Variants in TOX2 observed in about 807,000 individuals in gnomAD.
TOX2 encodes the protein granulosa cell HMG box 1.
A neutral mutation model predicts 47.4 loss-of-function variants in TOX2; 15 were observed. That is an observed-to-expected ratio of 0.32 (90% CI 0.21 to 0.49). The LOEUF (loss-of-function observed/expected upper bound fraction) is 0.49. TOX2 is among the 20% of genes least tolerant of loss of function. TOX2 has a pLI of 0.99. For synonymous variants in TOX2, 290 were observed against 296.6 expected (o/e 0.98, Z 0.23); for missense variants, 622 against 673.1 (o/e 0.92, Z 0.84).
intron 3 of TOX2, among the ~76,000 whole-genome samples, chr20:44,050,647 A>G (rs890770233): frequency 6.6e-6 from 1 of 152,262 alleles, no homozygotes; most frequent in African/African-American, 2.4e-5. Flanking sequence ...AATGGAGTTA[A>G]TAACAAAATT....
rs1555842269 is a variant in TOX2, at chr20:44,026,228, G to GATATATATATATAGATATATATATAT, written c.411+19449_411+19450insGATATATATATATATATATATATATA. On this transcript the variant is annotated intron_variant, in intron 3 of 8. Transcript: ENST00000341197. ...TCGATCGAGTGGATAAAGAAACTGT[G>GATATATATATATAGATATATATATAT]ATATATATATATATATATATAGACA... 1.2e-4 allele frequency among the ~76,000 whole-genome samples: 7 copies of GATATATATATATAGATATATATATAT among 60,254 alleles called. 1 individual carries two copies. The highest frequency in any genetic ancestry group is 1.6e-4 in the Non-Finnish European group (5 of 32,234). The allele number at this position is 60,254 out of a possible 152,430, so 39.5% of individuals were successfully genotyped here.
chr20:43,941,419 G>A (rs779373169), intron 1 of TOX2, among the ~76,000 whole-genome samples: 2 of 149,896 alleles, frequency 1.3e-5, no homozygotes, highest in Non-Finnish European at 1.5e-5. Context: ...TGCAACCTCC[G>A]CCTCCCAGGA....
intron 1 of TOX2, among the ~76,000 whole-genome samples, chr20:43,934,168 AC>A (rs1569010338): frequency 1.7e-4 from 25 of 145,738 alleles, no homozygotes; most frequent in African/African-American, 4.4e-4. Context: ...AGAGAGAGAG[AC>A]CTGCCCTCAG....
At chr20:43,998,771 T>C (rs866092793) in intron 2 of TOX2, among the ~76,000 whole-genome samples, 8 of 146,348 alleles carry the variant, frequency 5.5e-5, no homozygotes, top group East Asian at 2.0e-4. Flanking sequence ...ATCTATCTAT[T>C]TATTTTAAGA....
intron 2 of TOX2, among the ~76,000 whole-genome samples, chr20:43,973,745 C>T (rs1483557853): frequency 6.6e-6 from 1 of 152,202 alleles, no homozygotes; most frequent in Non-Finnish European, 1.5e-5. Flanking sequence ...GTGCCTGCTG[C>T]TCTCTGGTGC....
At position 44,008,172 on chromosome 20, in the gene TOX2, C is replaced by G. The variant is rs139262054; in HGVS notation, c.411+1380C>G. On this transcript the variant is annotated intron_variant, in intron 3 of 8. Transcript: ENST00000341197. ...TTTTATTGGGCTGGAGAGGAAGGAC[C>G]TGGAGCCAAGGAGAGAGAGGAGATG... 1.1e-3 allele frequency among the ~76,000 whole-genome samples: 167 copies of G among 152,114 alleles called. 1 individual carries two copies. Among genetic ancestry groups the G allele is most frequent in the African/African-American group, 3.6e-3 (151 of 41,490 alleles).
intron 1 of TOX2, among the ~76,000 whole-genome samples, chr20:43,953,340 C>T (rs1369729127): frequency 2.0e-5 from 3 of 152,136 alleles, no homozygotes; most frequent in East Asian, 1.9e-4. Context: ...GCATAGAAGC[C>T]GCCTCTGTCT....
chr20:44,017,886 C>T (rs2070907979), intron 3 of TOX2, among the ~76,000 whole-genome samples: 1 of 152,144 alleles, frequency 6.6e-6, no homozygotes, highest in Admixed American at 6.5e-5. Flanking sequence ...CATATCTAGC[C>T]CATGTAGCCT....
At chr20:44,029,505 C>A (rs2071116514) in intron 3 of TOX2, among the ~76,000 whole-genome samples, 1 of 152,158 alleles carries the variant, frequency 6.6e-6, no homozygotes, top group African/African-American at 2.4e-5. Context: ...CTTGGAGGCT[C>A]CGTTTGCTCA....
At chr20:43,951,343 G>A (rs2069562122) in intron 1 of TOX2, among the ~76,000 whole-genome samples, 1 of 152,156 alleles carries the variant, frequency 6.6e-6, no homozygotes, top group South Asian at 2.1e-4. Flanking sequence ...GGGAGGCTGA[G>A]GCGGGTGGAT....
At position 44,068,682 on chromosome 20, in the gene TOX2, C is replaced by T. The variant is rs1401104400; in HGVS notation, c.1517C>T (p.Thr506Ile). 3 of 1,614,126 alleles carry T rather than the reference C, an allele frequency of 1.9e-6. No homozygotes were observed. The highest frequency in any genetic ancestry group is 2.5e-6 in the Non-Finnish European group (3 of 1,179,998). Residue 506 changes from threonine (T) to isoleucine (I), a missense_variant, in exon 9 of 9, where the codon ACC becomes ATC. Thr to Ile is a moderately conservative substitution (Grantham distance 89, BLOSUM62 -1). This residue lies in a region of TOX2 where 294 missense variants were observed against 300.0 expected (regional missense o/e 0.98). Transcript: ENST00000341197. ...CCCAGGGACAAATCGCTCTACCTCA[C>T]CTAATCCCGCCTCCCTACCATCCCT... ...LLPRDKSLYL[T>I]
Position 44,053,439 on chromosome 20 carries a change from TACAC to T in TOX2, c.652-830_652-827del, listed in dbSNP as rs111951284. Reference sequence around the variant, plus strand: ...GCTCACAAGTGGGAGGGCAGATATATACACACACACACACACACACACACACACA... The same window carrying T: ...GCTCACAAGTGGGAGGGCAGATATATACACACACACACACACACACACACA... On this transcript the variant is annotated intron_variant, in intron 4 of 8. Coordinates refer to ENST00000341197, the MANE Select transcript of TOX2 (RefSeq NM_001098797.2). 3.7e-3 allele frequency among the ~76,000 whole-genome samples: 535 copies of T among 142,966 alleles called. 1 individual carries two copies. The highest frequency in any genetic ancestry group is 4.8e-3 in the East Asian group (24 of 5,014). The allele number at this position is 142,966 out of a possible 152,430, so 93.8% of individuals were successfully genotyped here. A position where few individuals can be genotyped will look rare whatever the true frequency, so the allele number is the denominator to read the frequency against.
chr20:43,960,909 C>T (rs933319939), intron 1 of TOX2, among the ~76,000 whole-genome samples: 3 of 152,204 alleles, frequency 2.0e-5, no homozygotes, highest in Admixed American at 6.5e-5. Context: ...GAGGGCATCA[C>T]CCATTCAACC....
intron 1 of TOX2, among the ~76,000 whole-genome samples, chr20:43,935,531 C>G (rs952181940): frequency 3.3e-5 from 5 of 152,124 alleles, no homozygotes; most frequent in Non-Finnish European, 7.3e-5. Context: ...TTATTTAACC[C>G]CTACAACAGC....
intron 1 of TOX2, among the ~76,000 whole-genome samples, chr20:43,949,174 C>T (rs1358060039): frequency 6.6e-6 from 1 of 152,254 alleles, no homozygotes; most frequent in Non-Finnish European, 1.5e-5. Context: ...ACTGTCCACC[C>T]CTCGGCTTAG....
intron 1 of TOX2, among the ~76,000 whole-genome samples, chr20:43,935,927 CAAAAAAAAAAAAAAA>C (rs58300627): frequency 1.4e-5 from 1 of 72,032 alleles, no homozygotes; most frequent in African/African-American, 5.0e-5. Context: ...AACTCCATCC[CAAAAAAAAAAAAAAA>C]AAAAAAAAAA....
chr20:43,955,846 C>G (rs2069660356), intron 1 of TOX2, among the ~76,000 whole-genome samples: 1 of 152,324 alleles, frequency 6.6e-6, no homozygotes, highest in East Asian at 1.9e-4. Flanking sequence ...TCCCGTTTCC[C>G]CATCTTAGTT....
intron 3 of TOX2, among the ~76,000 whole-genome samples, chr20:44,025,403 G>T (rs1378957987): frequency 6.9e-6 from 1 of 145,752 alleles, no homozygotes; most frequent in Non-Finnish European, 1.5e-5. Flanking sequence ...TGCAGTACCT[G>T]TTGGCAAGTG....
rs182227456 is a variant in TOX2, at chr20:43,946,124, G to T, written c.100-27243G>T. ...GAAGATAGGTGATGTCTGGATGGGG[G>T]CAGGCAGGGACCTGGACTGGTGCTT... On this transcript the variant is annotated intron_variant, in intron 1 of 8. Coordinates refer to ENST00000341197, the MANE Select transcript of TOX2 (RefSeq NM_001098797.2). The T allele has an allele frequency of 3.4e-4, 528 of 1,560,026 alleles. 1 individual carries two copies. Among genetic ancestry groups the T allele is most frequent in the Admixed American group, 8.6e-4 (48 of 55,898 alleles).
Sources: allele counts gnomAD v4.1 joint callset (sites outside exome capture counted in the v4.1 genomes callset), GRCh38; gene constraint gnomAD v4.1.1; regional missense constraint gnomAD v4.1.1; transcripts MANE v1.5; gene names NCBI Gene and HGNC (gene_info 2026-07-23, HGNC 2026-07-21).